The following PIEZO1 variants were observed in gnomAD, a reference collection of about 807,000 sequenced individuals.
The protein encoded by PIEZO1 is piezo-type mechanosensitive ion channel component 1.
PIEZO1 carries 296 observed loss-of-function variants against 297.2 expected under a neutral mutation model. The observed-to-expected ratio is 1.00, with a 90% CI of 0.91 to 1.10. PIEZO1 has a LOEUF of 1.10. Among genes scored for constraint, PIEZO1 ranks in the 50% least tolerant of loss-of-function variants. The pLI is 0.00. For missense variants in PIEZO1, 5,018 were observed against 3,455.5 expected, an observed-to-expected ratio of 1.45 and a Z score of -11.34; for synonymous variants, 2,427 against 1,507.5, an observed-to-expected ratio of 1.61 and a Z score of -14.13.
chr16:88,722,145 C>G (rs1303903114), intron 36 of PIEZO1, 73 bp downstream of exon 36: 1 of 1,520,752 alleles, frequency 6.6e-7, no homozygotes, highest in East Asian at 2.5e-5. Flanking sequence ...CGGTCACAGT[C>G]AGTCTCCTGC....
chr16:88,727,487 G>T, intron 23 of PIEZO1, 70 bp downstream of exon 23: 1 of 680,842 alleles, frequency 1.5e-6, no homozygotes, highest in Non-Finnish European at 2.5e-6. Flanking sequence ...GCACACTTGT[G>T]AGCAGATTTG....
Position 88,749,226 on chromosome 16 carries a change from C to T in PIEZO1, c.160+158G>A, listed in dbSNP as rs181763683. Among the ~76,000 whole-genome samples the T allele has an allele frequency of 3.3e-3, 497 of 151,438 alleles. 4 individuals carry two copies. The highest frequency in any genetic ancestry group is 0.012 in the African/African-American group (475 of 41,256). ...CTGCACTCCAGCCTGGGCGACTGAG[C>T]GAGACTCCGTCTCAAAAAAAAAAAA... is the stretch of plus-strand genomic sequence containing the variant. On this transcript the variant is annotated intron_variant, in intron 2 of 50. Transcript: ENST00000301015.
rs1272972363 is a variant in PIEZO1 at position 88,715,567 on chromosome 16, A to C, written c.*38T>G. The stretch of plus-strand genomic sequence containing the variant: ...GCCCCTTGTGGCCACGCTGCCCAGC[A>C]GGCCGGCTCCTTCCCTCTCGGGCGC... On this transcript the variant is annotated 3_prime_UTR_variant, in exon 51 of 51. Coordinates refer to ENST00000301015, the MANE Select transcript of PIEZO1 (RefSeq NM_001142864.4). 1 of 1,535,622 alleles carries C rather than the reference A, an allele frequency of 6.5e-7. No individual in the cohort carries two copies. Among genetic ancestry groups the C allele is most frequent in the Non-Finnish European group, 8.8e-7 (1 of 1,138,922 alleles).
rs756565420 is a variant in PIEZO1, at chr16:88,742,379, C to T, written c.204G>A (p.Leu68=). 36 of 1,535,418 alleles carry T rather than the reference C, an allele frequency of 2.3e-5. No individual in the cohort carries two copies. In the East Asian group the frequency reaches 3.2e-4, roughly 14 times the overall value. The change falls in exon 3 of 51, where the codon CTG becomes CTA. Residue 68 remains leucine, a synonymous_variant. Coordinates refer to ENST00000301015, the MANE Select transcript of PIEZO1 (RefSeq NM_001142864.4). Reference sequence around the variant, plus strand: ...GGGCGAGATGGGCCACCAGGAAGAGCAGGCTGAGGCCCAGCAATGCCCGCA... The same window carrying T: ...GGGCGAGATGGGCCACCAGGAAGAGTAGGCTGAGGCCCAGCAATGCCCGCA... The part of the protein sequence containing the change: ...RLLRALLGLS[L]LFLVAHLALQ...
intron 1 of PIEZO1, among the ~76,000 whole-genome samples, chr16:88,781,048 G>T (rs1466280408): frequency 6.6e-6 from 1 of 152,214 alleles, no homozygotes; most frequent in African/African-American, 2.4e-5. Context: ...GGATTTCTGA[G>T]GCCAGAGAGG....
chr16:88,743,695 C>A (rs555014743), intron 2 of PIEZO1: 1 of 455,852 alleles, frequency 2.2e-6, no homozygotes, highest in African/African-American at 2.0e-5. Flanking sequence ...CCAAGTCACC[C>A]TGCACATCCC....
At chr16:88,743,627 G>A (rs566870162) in intron 2 of PIEZO1, 49 of 456,624 alleles carry the variant, frequency 1.1e-4, no homozygotes, top group South Asian at 7.3e-4. Flanking sequence ...TGACAGACTC[G>A]GGATTGGCCT....
Position 88,722,885 on chromosome 16 carries a change from G to C in PIEZO1, c.4620C>G (p.Ser1540Arg). 1.3e-6 allele frequency: 2 copies of C among 1,548,838 alleles called. No homozygotes were observed. The highest frequency in any genetic ancestry group is 2.0e-5 in the Admixed American group (1 of 51,006). The change falls in exon 34 of 51, where the codon AGC becomes AGG. Residue 1540 changes from serine (S) to arginine (R), a missense_variant. Transcript: ENST00000301015. ...QEFTRHHGTM[S>R]DVLRAERYLL... ...GGTAGCGCTCTGCCCGCAGCACGTCGCTCATGGTGCCGTGGTGCCGGGTGA... is the reference window on the plus strand; with the variant it reads ...GGTAGCGCTCTGCCCGCAGCACGTCCCTCATGGTGCCGTGGTGCCGGGTGA...
chr16:88,772,836 C>T lies in PIEZO1; in HGVS notation c.64+12065G>A, dbSNP rs560618776. ...CCTGTTCTCTGAGGGGGATGCCCGC[C>T]GCAGCCCTGGCTCAGTCTTCATGTC... On this transcript the variant is annotated intron_variant, in intron 1 of 50. Coordinates refer to ENST00000301015, the MANE Select transcript of PIEZO1 (RefSeq NM_001142864.4). 4.6e-5 allele frequency among the ~76,000 whole-genome samples: 7 copies of T among 152,102 alleles called. No homozygotes were observed. The South Asian group carries it at 6.2e-4, about 14-fold the overall frequency.
At chr16:88,784,629 G>A (rs1409378573) in intron 1 of PIEZO1, among the ~76,000 whole-genome samples, 1 of 151,818 alleles carries the variant, frequency 6.6e-6, no homozygotes, top group Non-Finnish European at 1.5e-5. Context: ...GCCGCGCTAT[G>A]CCCGGCGCTC....
intron 1 of PIEZO1, among the ~76,000 whole-genome samples, chr16:88,750,123 T>A (rs1402328021): frequency 6.6e-6 from 1 of 151,518 alleles, no homozygotes; most frequent in African/African-American, 2.4e-5. Context: ...TCACCTGAGG[T>A]CAGGAGTTCA....
chr16:88,737,478 GC>G, intron 10 of PIEZO1, 80 bp downstream of exon 10: 5 of 958,396 alleles, frequency 5.2e-6, no homozygotes, highest in Non-Finnish European at 7.6e-6. Context: ...ATGCGAGAGC[GC>G]CAGGCGGCCA....
chr16:88,733,471 C>T lies in PIEZO1; in HGVS notation c.2488-17G>A, dbSNP rs1027663509. 12 of 1,536,772 alleles carry T rather than the reference C, an allele frequency of 7.8e-6. No individual in the cohort carries two copies. The highest frequency in any genetic ancestry group is 3.9e-5 in the Admixed American group (2 of 50,656). The stretch of plus-strand genomic sequence containing the variant: ...CACCGACACCTGAGGGCAGTGGGCA[C>T]GTGGGGCTGGGCTTGGGGAGGGCAG... On this transcript the variant is annotated splice_polypyrimidine_tract_variant and intron_variant, in intron 18 of 50. Coordinates refer to ENST00000301015, the MANE Select transcript of PIEZO1 (RefSeq NM_001142864.4).
rs559036390 is a variant in PIEZO1 at position 88,727,458 on chromosome 16, C to T, written c.3301+99G>A. ...GCCGCCATGTGCCTGACCACACCTC[C>T]GCCCGTGCACGCCTGTGTGCACACT... On this transcript the variant is annotated intron_variant, in intron 23 of 50. Transcript: ENST00000301015. 5.0e-3 allele frequency: 3,216 copies of T among 640,290 alleles called. 38 individuals carry two copies. The highest frequency in any genetic ancestry group is 0.028 in the South Asian group (1,422 of 50,300). 39.7% of individuals were successfully genotyped at this position (640,290 alleles called of 1,614,324 possible).
chr16:88,724,728 C>T (rs1274275529), intron 30 of PIEZO1, among the ~76,000 whole-genome samples: 2 of 152,164 alleles, frequency 1.3e-5, no homozygotes, highest in Non-Finnish European at 2.9e-5. Context: ...CGCAGTGCTG[C>T]TGGGTCCCAG....
At chr16:88,734,836 G>A in intron 14 of PIEZO1, 38 bp from the exon 15 acceptor site, 1 of 1,550,158 alleles carries the variant, frequency 6.5e-7, no homozygotes, top group Non-Finnish European at 8.7e-7. Context: ...ACCGCGGGGA[G>A]GGTCCGTGCC....
chr16:88,770,549 C>T (rs982722949), intron 1 of PIEZO1, among the ~76,000 whole-genome samples: 6 of 152,332 alleles, frequency 3.9e-5, no homozygotes, highest in African/African-American at 7.2e-5. Flanking sequence ...GAGAGGTGGC[C>T]GTTAGTGCGG....
chr16:88,768,060 T>C (rs1270084780), intron 1 of PIEZO1, among the ~76,000 whole-genome samples: 2 of 152,182 alleles, frequency 1.3e-5, no homozygotes, highest in African/African-American at 4.8e-5. Flanking sequence ...GTCTGCAAAG[T>C]GGGACCCACG....
chr16:88,747,049 C>G (rs1906099135), intron 2 of PIEZO1, among the ~76,000 whole-genome samples: 1 of 152,174 alleles, frequency 6.6e-6, no homozygotes, highest in African/African-American at 2.4e-5. Flanking sequence ...TCTCTGCACC[C>G]CTGAATTCTA....
Sources: allele counts gnomAD v4.1 joint callset (sites outside exome capture counted in the v4.1 genomes callset), GRCh38; gene constraint gnomAD v4.1.1; transcripts MANE v1.5; gene names NCBI Gene and HGNC (gene_info 2026-07-23, HGNC 2026-07-21).